Variants in ZNF704 observed in about 807,000 individuals in gnomAD.
ZNF704 encodes zinc finger protein 704.
In ZNF704, 10 loss-of-function variants were observed where a neutral mutation model predicts 44.7. The observed-to-expected ratio is 0.22, with a 90% CI of 0.14 to 0.38. The LOEUF (loss-of-function observed/expected upper bound fraction) is 0.38, where lower values mean the gene tolerates loss of function less well. Among genes scored for constraint, ZNF704 ranks in the 10% least tolerant of loss-of-function variants. The pLI is 1.00. For synonymous variants in ZNF704, 211 were observed against 207.6 expected (o/e 1.02, Z -0.14); for missense variants, 390 against 545.5 (o/e 0.71, Z 2.84).
At chr8:80,732,734 C>A (rs1353548159) in intron 2 of ZNF704, among the ~76,000 whole-genome samples, 4 of 152,196 alleles carry the variant, frequency 2.6e-5, no homozygotes, top group Admixed American at 2.6e-4. Flanking sequence ...GGTGGGTAGA[C>A]TGCTTGAGCC....
chr8:80,841,132 TGCCTG>T (rs1808670915), intron 1 of ZNF704, among the ~76,000 whole-genome samples: 2 of 152,338 alleles, frequency 1.3e-5, no homozygotes, highest in African/African-American at 4.8e-5. Flanking sequence ...CCACCACAGA[TGCCTG>T]GGTAGCACCA....
chr8:80,816,410 T>C (rs1317622170), intron 2 of ZNF704, among the ~76,000 whole-genome samples: 2 of 152,188 alleles, frequency 1.3e-5, no homozygotes, highest in African/African-American at 4.8e-5. Context: ...ATAAACAAAA[T>C]GTGGTATGTC....
chr8:80,752,749 C>G (rs980759465), intron 2 of ZNF704, among the ~76,000 whole-genome samples: 1 of 152,150 alleles, frequency 6.6e-6, no homozygotes, highest in African/African-American at 2.4e-5. Flanking sequence ...CCATGTTGGT[C>G]AGGCTGGTCT....
At chr8:80,841,679 T>TA (rs1808682104) in intron 1 of ZNF704, among the ~76,000 whole-genome samples, 1 of 152,232 alleles carries the variant, frequency 6.6e-6, no homozygotes, top group African/African-American at 2.4e-5. Flanking sequence ...AGTAGATAGC[T>TA]ACCCCTCTGG....
chr8:80,741,815 A>G (rs1806762772), intron 2 of ZNF704, among the ~76,000 whole-genome samples: 1 of 152,166 alleles, frequency 6.6e-6, no homozygotes, highest in African/African-American at 2.4e-5. Context: ...TTCCTTTGTG[A>G]AAAAAGGACT....
Position 80,720,174 on chromosome 8 carries a change from C to T in ZNF704, c.222-27067G>A, listed in dbSNP as rs539802428. On this transcript the variant is annotated intron_variant, in intron 2 of 8. Coordinates refer to ENST00000327835, the MANE Select transcript of ZNF704 (RefSeq NM_001033723.3). ...CATCACCCAGATGTGACTCCTTGGACATCAGCCTCAGTCCATGTGGCATCT... is the reference window on the plus strand; with the variant it reads ...CATCACCCAGATGTGACTCCTTGGATATCAGCCTCAGTCCATGTGGCATCT... Among the ~76,000 whole-genome samples, 6 of 152,330 alleles carry T rather than the reference C, an allele frequency of 3.9e-5. No individual in the cohort carries two copies. The South Asian group carries it at 1.2e-3, about 32-fold the overall frequency.
chr8:80,831,523 T>A (rs1471687914), intron 1 of ZNF704, among the ~76,000 whole-genome samples: 1 of 152,142 alleles, frequency 6.6e-6, no homozygotes, highest in Non-Finnish European at 1.5e-5. Context: ...CTTGAGACAA[T>A]CTGAAAAATC....
chr8:80,821,395 T>C lies in ZNF704; in HGVS notation c.200A>G (p.Asn67Ser), dbSNP rs1005377545. 1 of 1,613,670 alleles carries C rather than the reference T, an allele frequency of 6.2e-7. No homozygotes were observed. The highest frequency in any genetic ancestry group is 1.7e-5 in the Admixed American group (1 of 59,904). ...LEQKRKVVSS[N>S]IDVPPARKSS... ...TTACCTTGCTGGAGGAACATCAATG[T>C]TGGAGGAAACAACTTTTCTTTTTTG... is the stretch of plus-strand genomic sequence containing the variant. Residue 67 changes from asparagine to serine, a missense_variant, in exon 2 of 9, where the codon AAC becomes AGC. By Grantham distance (46) the Asn-to-Ser change is conservative (BLOSUM62 1). Around this residue, in one of 3 missense-constraint regions of ZNF704, gnomAD observed 80 missense variants for 83.7 expected, o/e 0.96. Transcript: ENST00000327835.
At chr8:80,875,174 A>G (rs1303135302), upstream of ZNF704, among the ~76,000 whole-genome samples, 3 of 152,354 alleles carry the variant, frequency 2.0e-5, no homozygotes, top group Middle Eastern at 3.4e-3. Flanking sequence ...AATCAAGCAC[A>G]TAACATGACT....
chr8:80,682,709 G>A (rs1435957591), intron 4 of ZNF704, among the ~76,000 whole-genome samples: 1 of 152,204 alleles, frequency 6.6e-6, no homozygotes, highest in Non-Finnish European at 1.5e-5. Context: ...CCCCATTCAG[G>A]CAGTTGCCAA....
intron 1 of ZNF704, among the ~76,000 whole-genome samples, chr8:80,851,730 TA>T (rs973296776): frequency 6.6e-6 from 1 of 151,778 alleles, no homozygotes; most frequent in African/African-American, 2.4e-5. Flanking sequence ...ATAATAATAA[TA>T]AAATTTAAAA....
intron 2 of ZNF704, among the ~76,000 whole-genome samples, chr8:80,784,223 A>G (rs1432509846): frequency 6.6e-6 from 1 of 152,208 alleles, no homozygotes; most frequent in South Asian, 2.1e-4. Flanking sequence ...AGCTGCTATA[A>G]AGATCTATAT....
At chr8:80,751,799 G>A (rs1485984471) in intron 2 of ZNF704, among the ~76,000 whole-genome samples, 1 of 152,216 alleles carries the variant, frequency 6.6e-6, no homozygotes, top group African/African-American at 2.4e-5. Flanking sequence ...CCAAGCTGGA[G>A]TGCAGTGGCA....
At chr8:80,823,722 C>A (rs1199974709) in intron 1 of ZNF704, among the ~76,000 whole-genome samples, 1 of 152,272 alleles carries the variant, frequency 6.6e-6, no homozygotes, top group Non-Finnish European at 1.5e-5. Flanking sequence ...TGAGACGAAG[C>A]TTCCAGAGGA....
chr8:80,750,042 A>G (rs1806914407), intron 2 of ZNF704, among the ~76,000 whole-genome samples: 2 of 152,142 alleles, frequency 1.3e-5, no homozygotes, highest in African/African-American at 4.8e-5. Context: ...GGAAGCTTCT[A>G]GTTAACTATC....
chr8:80,678,769 C>G (rs752725527), intron 4 of ZNF704, among the ~76,000 whole-genome samples: 15 of 152,142 alleles, frequency 9.9e-5, no homozygotes, highest in Non-Finnish European at 1.8e-4. Context: ...GATGACCTGT[C>G]GTATTTGACC....
chr8:80,737,077 G>C (rs1230040935), intron 2 of ZNF704, among the ~76,000 whole-genome samples: 1 of 152,050 alleles, frequency 6.6e-6, no homozygotes, highest in Non-Finnish European at 1.5e-5. Context: ...GCTATAGTAG[G>C]AACAAAAATT....
intron 3 of ZNF704, among the ~76,000 whole-genome samples, chr8:80,690,763 C>T (rs532439338): frequency 3.9e-5 from 6 of 152,340 alleles, no homozygotes; most frequent in African/African-American, 1.4e-4. Flanking sequence ...AATCCCAACA[C>T]TTTGGGAGGC....
At chr8:80,795,885 G>A (rs1052090527) in intron 2 of ZNF704, among the ~76,000 whole-genome samples, 8 of 152,132 alleles carry the variant, frequency 5.3e-5, no homozygotes, top group Admixed American at 5.2e-4. Flanking sequence ...CTACTTTGTG[G>A]AACTAAAATT....
Sources: gnomAD v4.1 joint callset for allele counts (sites outside exome capture counted in the v4.1 genomes callset) on GRCh38, gnomAD v4.1.1 for gene constraint, gnomAD v4.1.1 regional missense constraint, MANE v1.5 for transcripts, NCBI Gene and HGNC (gene_info 2026-07-23, HGNC 2026-07-21) for gene names.